Variants in ELMOD1 observed in about 807,000 individuals in gnomAD.
ELMOD1 encodes ELMO domain containing 1, also known as ELMO domain-containing protein 1.
Under a neutral mutation model 46.7 loss-of-function variants are expected in ELMOD1, and 21 were observed. That is an observed-to-expected ratio of 0.45 (90% CI 0.32 to 0.65). ELMOD1 has a LOEUF of 0.65. Among genes scored for constraint, ELMOD1 ranks in the 30% least tolerant of loss-of-function variants. ELMOD1 has a pLI of 0.04. For missense variants in ELMOD1, 348 were observed against 407.8 expected (o/e 0.85, Z 1.26); for synonymous variants, 122 against 138.2 (o/e 0.88, Z 0.82).
intron 6 of ELMOD1, among the ~76,000 whole-genome samples, chr11:107,637,513 T>A (rs2135696243): frequency 6.6e-6 from 1 of 152,172 alleles, no homozygotes; most frequent in African/African-American, 2.4e-5. Context: ...GCCAACATGG[T>A]GAAACCCTGT....
At chr11:107,610,376 G>A (rs927539493) in intron 1 of ELMOD1, among the ~76,000 whole-genome samples, 2 of 151,974 alleles carry the variant, frequency 1.3e-5, no homozygotes, top group African/African-American at 2.4e-5. Context: ...CAAATAAAAC[G>A]TCAATATCTG....
intron 6 of ELMOD1, among the ~76,000 whole-genome samples, 158 bp downstream of exon 6, chr11:107,635,923 A>G (rs1866222244): frequency 6.6e-6 from 1 of 152,208 alleles, no homozygotes; most frequent in Non-Finnish European, 1.5e-5. Flanking sequence ...TCGCTGGTTC[A>G]GGTGTTGGAA....
chr11:107,664,036 A>AG (rs1866792264), intron 11 of ELMOD1, among the ~76,000 whole-genome samples: 1 of 152,122 alleles, frequency 6.6e-6, no homozygotes, highest in African/African-American at 2.4e-5. Context: ...CCGAGGCTGG[A>AG]GTGCAGTGGC....
chr11:107,607,396 C>T (rs775531442), intron 1 of ELMOD1, among the ~76,000 whole-genome samples: 10 of 152,186 alleles, frequency 6.6e-5, no homozygotes, highest in Non-Finnish European at 1.2e-4. Flanking sequence ...TGGCTCATGC[C>T]TGTAATTCCA....
At chr11:107,599,082 C>T (rs1054093417) in intron 1 of ELMOD1, among the ~76,000 whole-genome samples, 5 of 152,126 alleles carry the variant, frequency 3.3e-5, no homozygotes, top group African/African-American at 4.8e-5. Flanking sequence ...CTGGTATTTT[C>T]GAACTAGTGC....
intron 1 of ELMOD1, among the ~76,000 whole-genome samples, chr11:107,608,493 C>A (rs1028558471): frequency 6.6e-6 from 1 of 152,024 alleles, no homozygotes; most frequent in Admixed American, 6.6e-5. Flanking sequence ...CAGTGTGGAC[C>A]GGAAGCTTGA....
intron 1 of ELMOD1, among the ~76,000 whole-genome samples, chr11:107,617,068 AAC>A (rs1301649978): frequency 6.6e-6 from 1 of 152,230 alleles, no homozygotes; most frequent in Non-Finnish European, 1.5e-5. Flanking sequence ...TAAGAAATAA[AAC>A]ACACAAAGTT....
intron 2 of ELMOD1, among the ~76,000 whole-genome samples, chr11:107,626,770 T>C (rs994135495): frequency 1.3e-5 from 2 of 152,148 alleles, no homozygotes; most frequent in African/African-American, 4.8e-5. Context: ...TATAACATTC[T>C]CTCAAAATAG....
intron 11 of ELMOD1, among the ~76,000 whole-genome samples, chr11:107,658,914 G>A (rs1286890744): frequency 6.6e-6 from 1 of 152,184 alleles, no homozygotes; most frequent in African/African-American, 2.4e-5. Flanking sequence ...CAGCCTGGGC[G>A]ACAGAGTGAG....
intron 6 of ELMOD1, 110 bp from the exon 7 acceptor site, chr11:107,647,358 A>C: frequency 7.3e-6 from 6 of 817,198 alleles, no homozygotes; most frequent in Non-Finnish European, 1.1e-5. Flanking sequence ...ATTGTAATGT[A>C]TATGCATACA....
intron 11 of ELMOD1, among the ~76,000 whole-genome samples, chr11:107,663,630 A>G (rs367896391): frequency 9.8e-5 from 15 of 152,304 alleles, no homozygotes; most frequent in African/African-American, 3.6e-4. Flanking sequence ...GGGTCTGTGG[A>G]AGTGGACCAG....
chr11:107,636,028 C>A (rs544136213), intron 6 of ELMOD1, among the ~76,000 whole-genome samples: 36 of 152,296 alleles, frequency 2.4e-4, no homozygotes, highest in African/African-American at 8.7e-4. Context: ...TTTCTGTGGG[C>A]TCTCACATTT....
intron 11 of ELMOD1, among the ~76,000 whole-genome samples, chr11:107,662,152 G>GT (rs1866750118): frequency 1.3e-5 from 2 of 152,164 alleles, no homozygotes; most frequent in Non-Finnish European, 2.9e-5. Context: ...TTGTTTGTTT[G>GT]TTTTTTAGAG....
intron 11 of ELMOD1, among the ~76,000 whole-genome samples, chr11:107,663,027 C>A (rs973723221): frequency 3.9e-5 from 6 of 151,972 alleles, no homozygotes; most frequent in African/African-American, 9.7e-5. Flanking sequence ...CAGTGCCTGG[C>A]AAGAAACAAG....
intron 1 of ELMOD1, among the ~76,000 whole-genome samples, chr11:107,599,740 C>CAAAAAAAA (rs56992146): frequency 0.48 from 42,894 of 89,594 alleles, 9,049 homozygotes; most frequent in East Asian, 0.64. Context: ...AGACCTGTCT[C>CAAAAAAAA]AAAAAAAAAA....
intron 11 of ELMOD1, among the ~76,000 whole-genome samples, chr11:107,662,111 A>G (rs661269): frequency 0.24 from 36,747 of 152,168 alleles, 8,943 homozygotes; most frequent in African/African-American, 0.62. Flanking sequence ...AGGGCAACAG[A>G]TTTAGGCCCA....
At chr11:107,626,656 T>C (rs1466682970) in intron 2 of ELMOD1, among the ~76,000 whole-genome samples, 3 of 147,484 alleles carry the variant, frequency 2.0e-5, no homozygotes, top group Admixed American at 1.4e-4. Flanking sequence ...CTTTCTTTCT[T>C]TTTCTTTCTT....
intron 2 of ELMOD1, among the ~76,000 whole-genome samples, chr11:107,618,574 A>G (rs1008439045): frequency 2.0e-5 from 3 of 152,232 alleles, no homozygotes; most frequent in African/African-American, 7.2e-5. Flanking sequence ...TTCTGGAAAT[A>G]AGTATCCTTT....
At chr11:107,617,831 A>T (rs955567564) in intron 1 of ELMOD1, among the ~76,000 whole-genome samples, 3 of 152,212 alleles carry the variant, frequency 2.0e-5, no homozygotes, top group African/African-American at 7.2e-5. Flanking sequence ...TAGGAACAAT[A>T]CCCAAAATAA....
Sources: allele counts gnomAD v4.1 joint callset (sites outside exome capture counted in the v4.1 genomes callset), GRCh38; gene constraint gnomAD v4.1.1; transcripts MANE v1.5; gene names NCBI Gene and HGNC (gene_info 2026-07-23, HGNC 2026-07-21).